Variants in LYPLAL1 observed in about 807,000 individuals in gnomAD.
LYPLAL1 encodes the protein lysophospholipase like 1.
LYPLAL1 carries 23 observed loss-of-function variants against 19.7 expected under a neutral mutation model. The ratio of observed to expected loss-of-function variants is 1.17; its 90% CI spans 0.84 to 1.65. The LOEUF (loss-of-function observed/expected upper bound fraction) is 1.65. Among genes scored for constraint, LYPLAL1 ranks in the 40% most tolerant of loss-of-function variants. LYPLAL1 has a pLI of 0.00. For missense variants in LYPLAL1, 355 were observed against 279.4 expected (o/e 1.27, Z -1.93); for synonymous variants, 119 against 96.3 (o/e 1.24, Z -1.38).
At chr1:219,325,016 C>T in the LYPLAL1 span, among the ~76,000 whole-genome samples, 1 of 152,108 alleles carries the variant, frequency 6.6e-6, no homozygotes, top group Non-Finnish European at 1.5e-5. Flanking sequence ...TTAACCATCA[C>T]TAGACTGAGG....
the LYPLAL1 span, among the ~76,000 whole-genome samples, chr1:219,293,547 T>A: frequency 6.6e-6 from 1 of 152,194 alleles, no homozygotes; most frequent in Non-Finnish European, 1.5e-5. Flanking sequence ...TTTATTTAAA[T>A]ACGGAATCAA....
chr1:219,262,629 G>A, the LYPLAL1 span, among the ~76,000 whole-genome samples: 1 of 152,276 alleles, frequency 6.6e-6, no homozygotes, highest in Admixed American at 6.5e-5. Flanking sequence ...ACCCAGTGGG[G>A]CTACCAGGCT....
At chr1:219,229,954 T>G in the LYPLAL1 span, among the ~76,000 whole-genome samples, 7 of 152,226 alleles carry the variant, frequency 4.6e-5, no homozygotes, top group African/African-American at 1.7e-4. Context: ...TGGGTGAGAC[T>G]TACATTTATC....
At chr1:219,300,304 A>G in the LYPLAL1 span, among the ~76,000 whole-genome samples, 31 of 152,138 alleles carry the variant, frequency 2.0e-4, no homozygotes, top group African/African-American at 5.8e-4. Flanking sequence ...TTTGTATACA[A>G]ATACAATCAT....
rs74942561 is a variant in LYPLAL1 at position 219,196,381 on chromosome 1, C to T, written c.361+3130C>T. Among the ~76,000 whole-genome samples, 605 of 152,180 alleles carry T rather than the reference C, an allele frequency of 4.0e-3. 6 individuals are homozygous for T. Among genetic ancestry groups the T allele is most frequent in the African/African-American group, 0.014 (592 of 41,536 alleles). ...AAATTCTTGAATTTTTAATAATTGCCACTCAGACTGGTATGAAATGGCATC... is the reference window on the plus strand; with the variant it reads ...AAATTCTTGAATTTTTAATAATTGCTACTCAGACTGGTATGAAATGGCATC... On this transcript the variant is annotated intron_variant, in intron 3 of 4. Coordinates refer to ENST00000366928, the MANE Select transcript of LYPLAL1 (RefSeq NM_138794.5).
the LYPLAL1 span, among the ~76,000 whole-genome samples, chr1:219,265,587 C>T: frequency 6.6e-6 from 1 of 152,082 alleles, no homozygotes; most frequent in African/African-American, 2.4e-5. Context: ...GCATTTTGTT[C>T]TCTAGTTTAA....
At chr1:219,242,657 A>T in the LYPLAL1 span, among the ~76,000 whole-genome samples, 1 of 151,990 alleles carries the variant, frequency 6.6e-6, no homozygotes, top group East Asian at 1.9e-4. Context: ...CACAAAATTG[A>T]CTCACAATGA....
the LYPLAL1 span, among the ~76,000 whole-genome samples, chr1:219,439,972 T>TATATATATATATATAC: frequency 8.7e-4 from 99 of 114,024 alleles, 1 homozygote; most frequent in African/African-American, 3.0e-3. Context: ...TATATATATA[T>TATATATATATATATAC]ACATATATAT....
the LYPLAL1 span, among the ~76,000 whole-genome samples, chr1:219,221,771 CCT>C: frequency 6.6e-6 from 1 of 152,164 alleles, no homozygotes; most frequent in African/African-American, 2.4e-5. Flanking sequence ...AGTATTAGCA[CCT>C]CTCTACATCT....
chr1:219,429,553 G>A, the LYPLAL1 span, among the ~76,000 whole-genome samples: 2 of 152,112 alleles, frequency 1.3e-5, no homozygotes, highest in Non-Finnish European at 2.9e-5. Context: ...ACCACTTGGG[G>A]GGCTGAGGCG....
chr1:219,411,094 A>G, the LYPLAL1 span, among the ~76,000 whole-genome samples: 1 of 152,184 alleles, frequency 6.6e-6, no homozygotes, highest in Non-Finnish European at 1.5e-5. Flanking sequence ...CGGATCCACT[A>G]GGTGAAGCCA....
At chr1:219,230,635 C>A in the LYPLAL1 span, among the ~76,000 whole-genome samples, 1 of 152,204 alleles carries the variant, frequency 6.6e-6, no homozygotes, top group East Asian at 1.9e-4. Flanking sequence ...TAGCAGACAA[C>A]CTCCTATCCC....
the LYPLAL1 span, among the ~76,000 whole-genome samples, chr1:219,410,665 G>A: frequency 1.3e-5 from 2 of 152,230 alleles, no homozygotes; most frequent in Non-Finnish European, 2.9e-5. Flanking sequence ...AGGCAAGAGC[G>A]GGAACCGGGG....
chr1:219,437,470 C>G, the LYPLAL1 span, among the ~76,000 whole-genome samples: 1 of 152,160 alleles, frequency 6.6e-6, no homozygotes, highest in African/African-American at 2.4e-5. Flanking sequence ...CGAACTCTTG[C>G]AATACACCCA....
chr1:219,359,635 CA>C, the LYPLAL1 span, among the ~76,000 whole-genome samples: 2 of 152,042 alleles, frequency 1.3e-5, no homozygotes, highest in African/African-American at 4.8e-5. Context: ...ACATGGAGTG[CA>C]TAGCAAATAA....
At chr1:219,399,952 A>G in the LYPLAL1 span, among the ~76,000 whole-genome samples, 1 of 152,248 alleles carries the variant, frequency 6.6e-6, no homozygotes, top group East Asian at 1.9e-4. Flanking sequence ...TGCTGACCCT[A>G]CCACTTCTCT....
the LYPLAL1 span, among the ~76,000 whole-genome samples, chr1:219,321,147 A>G: frequency 5.9e-5 from 9 of 152,196 alleles, no homozygotes; most frequent in Admixed American, 5.9e-4. Context: ...CTGGTGTGAG[A>G]TGGTATCTCA....
chr1:219,359,902 G>T, the LYPLAL1 span, among the ~76,000 whole-genome samples: 1 of 152,134 alleles, frequency 6.6e-6, no homozygotes, highest in African/African-American at 2.4e-5. Flanking sequence ...CATGACATCC[G>T]GTTATATAAT....
chr1:219,220,738 A>G, the LYPLAL1 span, among the ~76,000 whole-genome samples: 11 of 151,852 alleles, frequency 7.2e-5, no homozygotes, highest in Admixed American at 1.3e-4. Context: ...TATAGCGAGC[A>G]TAAAAGATCC....
Sources: gnomAD v4.1 joint callset for allele counts (sites outside exome capture counted in the v4.1 genomes callset) on GRCh38, gnomAD v4.1.1 for gene constraint, MANE v1.5 for transcripts, NCBI Gene and HGNC (gene_info 2026-07-23, HGNC 2026-07-21) for gene names.